The following URI1 variants were observed in gnomAD, a reference collection of about 807,000 sequenced individuals.
URI1 encodes URI1 prefoldin like chaperone.
Under a neutral mutation model 60.2 loss-of-function variants are expected in URI1, and 39 were observed. The ratio of observed to expected loss-of-function variants is 0.65; its 90% CI spans 0.50 to 0.85. The LOEUF is 0.85. URI1 is among the 40% of genes least tolerant of loss of function. The pLI is 0.00. For synonymous variants in URI1, 251 were observed against 236.8 expected (o/e 1.06, Z -0.55); for missense variants, 691 against 665.9 (o/e 1.04, Z -0.42).
chr19:30,008,494 T>C (rs1203200139), intron 7 of URI1, among the ~76,000 whole-genome samples: 1 of 152,122 alleles, frequency 6.6e-6, no homozygotes, highest in Non-Finnish European at 1.5e-5. Context: ...TTTTGTAAGG[T>C]CCTCACATCT....
Position 29,981,205 on chromosome 19 carries a change from A to G in URI1, c.153-4018A>G, listed in dbSNP as rs1395140697. On this transcript the variant is annotated intron_variant, in intron 2 of 10. Transcript: ENST00000392271. ...CTTTAAAAATATTCTATTATGACAA[A>G]TTTCAAACATATGGAAGAGTGAATC... 5.3e-5 allele frequency among the ~76,000 whole-genome samples: 8 copies of G among 152,130 alleles called. No homozygotes were observed. The East Asian group carries it at 7.7e-4, about 15-fold the overall frequency.
In URI1 at chr19:29,971,652, A is replaced by G. The variant is rs561314157; in HGVS notation, c.152+425A>G. The stretch of plus-strand genomic sequence containing the variant: ...TTCCCAAAGTTTGAAAAAAAAATCT[A>G]ATTTTCTACTTTTCAGAGCTTGTTT... On this transcript the variant is annotated intron_variant, in intron 2 of 10. Transcript: ENST00000392271. Among the ~76,000 whole-genome samples the G allele has an allele frequency of 2.9e-4, 44 of 151,384 alleles. No individual in the cohort carries two copies. In the South Asian group the frequency reaches 5.8e-3, roughly 20 times the overall value.
In URI1 at chr19:30,011,157, C is replaced by T. The variant is rs778158912; in HGVS notation, c.1099C>T (p.Arg367Cys). 9 of 1,612,862 alleles carry T rather than the reference C, an allele frequency of 5.6e-6. No individual in the cohort carries two copies. The highest frequency in any genetic ancestry group is 1.7e-5 in the Admixed American group (1 of 59,750). Residue 367 changes from arginine (R) to cysteine (C), a missense_variant, in exon 9 of 11, where the codon CGT becomes TGT. Coordinates refer to ENST00000392271, the MANE Select transcript of URI1 (RefSeq NM_003796.3). The part of the protein sequence containing the change: ...KFSEKKEEAK[R>C]KRKNSTGSGH... ...CAGTGAAAAGAAAGAAGAAGCCAAACGTAAACGAAAGAACAGCACTGGCAG... is the reference window on the plus strand; with the variant it reads ...CAGTGAAAAGAAAGAAGAAGCCAAATGTAAACGAAAGAACAGCACTGGCAG...
chr19:30,011,010 T>A, intron 8 of URI1, 84 bp from the exon 9 acceptor site: 1 of 1,440,044 alleles, frequency 6.9e-7, no homozygotes, highest in Non-Finnish European at 9.4e-7. Flanking sequence ...ACTATTATTT[T>A]TTTAGTTATA....
At position 29,934,059 on chromosome 19, in the gene URI1, C is replaced by A. The variant is rs532052085; in HGVS notation, c.63+10305C>A. ...CCAGTGATTCTCCTGCCTCAGCCTCCCAAGTAGCTGGGATTACAGGTGCCT... is the reference window on the plus strand; with the variant it reads ...CCAGTGATTCTCCTGCCTCAGCCTCACAAGTAGCTGGGATTACAGGTGCCT... On this transcript the variant is annotated intron_variant, in intron 1 of 10. Transcript: ENST00000360605. 1.3e-3 allele frequency among the ~76,000 whole-genome samples: 203 copies of A among 150,822 alleles called. 1 individual carries two copies. The highest frequency in any genetic ancestry group is 3.4e-3 in the Middle Eastern group (1 of 292).
intron 8 of URI1, among the ~76,000 whole-genome samples, chr19:30,010,652 A>G (rs1389314833): frequency 6.6e-6 from 1 of 152,178 alleles, no homozygotes; most frequent in Admixed American, 6.5e-5. Context: ...ATTTCTAAAA[A>G]TTAGAGATGT....
In URI1 at chr19:30,008,988, ATTTTC is replaced by A. The variant is rs375116936; in HGVS notation, c.687-14_687-10del. 57 of 1,554,360 alleles carry A rather than the reference ATTTTC, an allele frequency of 3.7e-5. No homozygotes were observed. In the East Asian group the frequency reaches 6.4e-4, roughly 17 times the overall value. ...CTAGTATGTTTGTTTGATCTTGTTA[ATTTTC>A]TTCCTTGCTAGTAAGCCTGATACTG... On this transcript the variant is annotated splice_polypyrimidine_tract_variant and intron_variant, in intron 7 of 10. Coordinates refer to ENST00000392271, the MANE Select transcript of URI1 (RefSeq NM_003796.3).
chr19:29,925,154 C>G (rs935274535), intron 1 of URI1, among the ~76,000 whole-genome samples: 2 of 152,208 alleles, frequency 1.3e-5, no homozygotes, highest in Admixed American at 6.5e-5. Context: ...TCTTGTTGAT[C>G]CTTCTTGCTT....
At chr19:29,965,149 T>TA (rs2055376758) in intron 1 of URI1, among the ~76,000 whole-genome samples, 1 of 152,164 alleles carries the variant, frequency 6.6e-6, no homozygotes, top group African/African-American at 2.4e-5. Flanking sequence ...GCAGATCCTA[T>TA]AGTGGTCTTT....
At chr19:30,004,111 G>A (rs41301953) in intron 4 of URI1, among the ~76,000 whole-genome samples, 3 of 152,098 alleles carry the variant, frequency 2.0e-5, no homozygotes, top group Non-Finnish European at 4.4e-5. Context: ...CATGGCAACC[G>A]GTCCAATTTG....
chr19:29,963,151 C>T (rs2055347958), intron 1 of URI1, among the ~76,000 whole-genome samples: 1 of 152,164 alleles, frequency 6.6e-6, no homozygotes, highest in South Asian at 2.1e-4. Flanking sequence ...AGTCTATCGG[C>T]TGATACTTTG....
Position 30,014,914 on chromosome 19 carries a change from G to A in URI1, c.1453G>A (p.Glu485Lys). ...EAFSGTVIEK[E>K]FVSPSLTPPP... Reference sequence around the variant, plus strand: ...TTTTTCTGGAACTGTTATAGAAAAAGAATTTGTATCACCTTCCTTAACACC... The same window carrying A: ...TTTTTCTGGAACTGTTATAGAAAAAAAATTTGTATCACCTTCCTTAACACC... Residue 485 changes from glutamate to lysine, a missense_variant, in exon 11 of 11, where the codon GAA (glutamate) becomes AAA (lysine). Transcript: ENST00000392271. The A allele has an allele frequency of 1.2e-6, 2 of 1,612,608 alleles. No homozygotes were observed. The highest frequency in any genetic ancestry group is 1.7e-6 in the Non-Finnish European group (2 of 1,179,060).
At position 29,968,382 on chromosome 19, in the gene URI1, G is replaced by T. The variant is rs1312578465; in HGVS notation, c.118-2811G>T. On this transcript the variant is annotated intron_variant, in intron 1 of 10. Coordinates refer to ENST00000392271, the MANE Select transcript of URI1 (RefSeq NM_003796.3). ...GTTTCTTTTGCTGTGTTTTTCAAGTGTTGCTTGTAGAACAAGGCTCGCTGC... is the reference window on the plus strand; with the variant it reads ...GTTTCTTTTGCTGTGTTTTTCAAGTTTTGCTTGTAGAACAAGGCTCGCTGC... Among the ~76,000 whole-genome samples the T allele has an allele frequency of 2.0e-5, 3 of 152,054 alleles. No homozygotes were observed. The East Asian group carries it at 5.8e-4, about 29-fold the overall frequency.
intron 1 of URI1, among the ~76,000 whole-genome samples, chr19:29,930,053 C>A (rs2054903463): frequency 6.6e-6 from 1 of 151,476 alleles, no homozygotes; most frequent in Non-Finnish European, 1.5e-5. Context: ...GACTATCCTG[C>A]CTCAGCCTCC....
intron 2 of URI1, among the ~76,000 whole-genome samples, chr19:29,984,810 A>ATTC (rs2055642233): frequency 6.6e-6 from 1 of 152,100 alleles, no homozygotes; most frequent in Admixed American, 6.6e-5. Flanking sequence ...ACACGACTGA[A>ATTC]AGAAGAGATT....
intron 1 of URI1, among the ~76,000 whole-genome samples, chr19:29,945,645 C>T (rs2055093851): frequency 6.6e-6 from 1 of 152,104 alleles, no homozygotes; most frequent in Non-Finnish European, 1.5e-5. Flanking sequence ...TTCCCTGCAG[C>T]TTTGTTTATA....
intron 1 of URI1, among the ~76,000 whole-genome samples, chr19:29,961,041 T>G (rs973976006): frequency 1.3e-5 from 2 of 151,790 alleles, no homozygotes; most frequent in Admixed American, 6.6e-5. Context: ...TTTTTTTTTT[T>G]GTATAGACAG....
intron 4 of URI1, among the ~76,000 whole-genome samples, chr19:30,000,344 C>A (rs979816005): frequency 6.6e-6 from 1 of 151,948 alleles, no homozygotes; most frequent in Admixed American, 6.6e-5. Context: ...GTCTTCTTAC[C>A]CTGTTTTTGC....
intron 4 of URI1, among the ~76,000 whole-genome samples, chr19:29,990,217 A>G (rs2055729111): frequency 1.3e-5 from 2 of 152,216 alleles, no homozygotes; most frequent in African/African-American, 2.4e-5. Context: ...ATACCACACT[A>G]GGATGGTTAT....
Sources: gnomAD v4.1 joint callset for allele counts (sites outside exome capture counted in the v4.1 genomes callset) on GRCh38, gnomAD v4.1.1 for gene constraint, MANE v1.5 for transcripts, NCBI Gene and HGNC (gene_info 2026-07-23, HGNC 2026-07-21) for gene names.